Variants in GRIK5 observed in about 807,000 individuals in gnomAD.
GRIK5 encodes the protein glutamate receptor ionotropic, kainate 5.
Under a neutral mutation model 97.4 loss-of-function variants are expected in GRIK5, and 43 were observed. The observed-to-expected ratio is 0.44, with a 90% CI of 0.35 to 0.57. The LOEUF is 0.57. GRIK5 is among the 20% of genes least tolerant of loss of function. The pLI, the probability that GRIK5 is intolerant of heterozygous loss-of-function variation, is 0.01. For missense variants in GRIK5, 1,015 were observed against 1,382.0 expected (o/e 0.73, Z 4.21); for synonymous variants, 580 against 583.5 (o/e 0.99, Z 0.09).
At chr19:42,046,298 G>T (rs988259872) in intron 11 of GRIK5, among the ~76,000 whole-genome samples, 8 of 152,076 alleles carry the variant, frequency 5.3e-5, no homozygotes, top group Admixed American at 3.3e-4. Context: ...AAAGAGACTG[G>T]GGCCTGTGAA....
rs1204150639 is a variant in GRIK5 at position 42,003,775 on chromosome 19, C to T, written c.2264-92G>A. The T allele has an allele frequency of 4.4e-6, 6 of 1,372,118 alleles. No individual in the cohort carries two copies. In the African/African-American group the frequency reaches 7.3e-5, roughly 17 times the overall value. The allele number at this position is 1,372,118 out of a possible 1,614,324, so 85.0% of individuals were successfully genotyped here. A position where few individuals can be genotyped will look rare whatever the true frequency, so the allele number is the denominator to read the frequency against. On this transcript the variant is annotated intron_variant, in intron 17 of 19. Transcript: ENST00000593562. This position sits in a 1 kb window ranked among gnomAD's most constrained non-coding sequence, Gnocchi z 4.2. ...AACTGTGCCCTCACCACGGCCTTCC[C>T]CCGCCTCTACCACGTGCCCAGGGTC...
At chr19:42,053,325 T>C (rs769415494) in intron 11 of GRIK5, among the ~76,000 whole-genome samples, 4 of 152,232 alleles carry the variant, frequency 2.6e-5, no homozygotes, top group Non-Finnish European at 4.4e-5. Context: ...GCAAAACAAC[T>C]GTTCTGGCAA....
rs910672486 is a variant in GRIK5 at position 42,019,987 on chromosome 19, GT to G, written c.1871+1313del. The stretch of plus-strand genomic sequence containing the variant: ...GAGCTTTCATTGGGTTTTTTTGGGG[GT>G]TTTTTTTTTTTTTTTCATTTGAGAC... On this transcript the variant is annotated intron_variant, in intron 15 of 19. Transcript: ENST00000593562. Among the ~76,000 whole-genome samples the G allele has an allele frequency of 4.2e-3, 575 of 137,112 alleles. 1 individual carries two copies. The highest frequency in any genetic ancestry group is 0.015 in the Middle Eastern group (4 of 270). 90.0% of individuals were successfully genotyped at this position (137,112 alleles called of 152,430 possible).
chr19:42,058,937 C>T (rs920349779), intron 6 of GRIK5, among the ~76,000 whole-genome samples: 2 of 152,066 alleles, frequency 1.3e-5, no homozygotes, highest in African/African-American at 4.8e-5. Context: ...CCAGATCTGA[C>T]TCGGGGCCAG....
chr19:42,026,536 G>A (rs1023786212), intron 12 of GRIK5, among the ~76,000 whole-genome samples: 1 of 151,466 alleles, frequency 6.6e-6, no homozygotes, highest in Non-Finnish European at 1.5e-5. Flanking sequence ...TTACAGGCAT[G>A]AGCCACCGCA....
chr19:42,046,168 A>T (rs1599817447), intron 11 of GRIK5, among the ~76,000 whole-genome samples: 1 of 152,262 alleles, frequency 6.6e-6, no homozygotes, highest in South Asian at 2.1e-4. Context: ...GGGCTTCACA[A>T]CCCAGTCACT....
rs1179570318 is a variant in GRIK5, at chr19:42,034,482, C to CAAAA, written c.1473+8069_1473+8070insTTTT. On this transcript the variant is annotated intron_variant, in intron 12 of 19. Transcript: ENST00000593562. ...GGATCTCTCTGCCCCTCACTTTTTC[C>CAAAA]CCTCAACCACACTTTTCCCCTCAAG... is the stretch of plus-strand genomic sequence containing the variant. Among the ~76,000 whole-genome samples, 3 of 152,222 alleles carry CAAAA rather than the reference C, an allele frequency of 2.0e-5. No individual in the cohort carries two copies. The East Asian group carries it at 5.8e-4, about 29-fold the overall frequency.
chr19:42,009,157 G>A (rs1335140256), intron 15 of GRIK5, among the ~76,000 whole-genome samples: 1 of 152,160 alleles, frequency 6.6e-6, no homozygotes, highest in Non-Finnish European at 1.5e-5. Context: ...GAGGCCAGAA[G>A]TTTAAGTCTA....
rs555370721 is a variant in GRIK5, at chr19:42,067,315, G to A, written c.-50-1495C>T. Among the ~76,000 whole-genome samples, 40 of 152,340 alleles carry A rather than the reference G, an allele frequency of 2.6e-4. No homozygotes were observed. The South Asian group carries it at 7.5e-3, about 28-fold the overall frequency. ...AGTGGCCTGCAAAACCTAGGCTGGGGATCAGTCCCAGCTCTGCCCCTGACT... is the reference window on the plus strand; with the variant it reads ...AGTGGCCTGCAAAACCTAGGCTGGGAATCAGTCCCAGCTCTGCCCCTGACT... On this transcript the variant is annotated intron_variant, in intron 1 of 19. Transcript: ENST00000593562.
Position 42,022,446 on chromosome 19 carries a change from T to G in GRIK5, c.1474-92A>C. Reference sequence around the variant, plus strand: ...GAGAAATGCACGGAGAGTGAGCAACTGAGGGAGGCGAGAGAGAGAGAGGTA... The same window carrying G: ...GAGAAATGCACGGAGAGTGAGCAACGGAGGGAGGCGAGAGAGAGAGAGGTA... On this transcript the variant is annotated intron_variant, in intron 12 of 19. Transcript: ENST00000593562. The surrounding 1 kb of genome is among the most constrained non-coding windows in gnomAD (Gnocchi z 4.2). 48 of 1,449,432 alleles carry G rather than the reference T, an allele frequency of 3.3e-5. No individual in the cohort carries two copies. The highest frequency in any genetic ancestry group is 1.8e-4 in the Middle Eastern group (1 of 5,652). The allele number at this position is 1,449,432 out of a possible 1,614,324, so 89.8% of individuals were successfully genotyped here.
chr19:42,013,182 C>T (rs553552607), intron 15 of GRIK5, among the ~76,000 whole-genome samples: 22 of 144,264 alleles, frequency 1.5e-4, no homozygotes, highest in African/African-American at 5.4e-4. Flanking sequence ...AGTAAGAACT[C>T]TCTACAAAAA....
chr19:42,001,911 G>A (rs898729936), intron 19 of GRIK5: 35 of 567,716 alleles, frequency 6.2e-5, no homozygotes, highest in Middle Eastern at 4.6e-4. Context: ...GAGAAAGACC[G>A]AGAAGAGAAG....
intron 11 of GRIK5, among the ~76,000 whole-genome samples, chr19:42,050,126 T>C (rs2170103): frequency 0.95 from 144,730 of 152,050 alleles, 68,967 homozygotes; most frequent in East Asian, 1. Flanking sequence ...GATGGGGTTT[T>C]GCCATGTTGC....
chr19:42,033,030 G>T (rs771311830), intron 12 of GRIK5, among the ~76,000 whole-genome samples: 3 of 152,206 alleles, frequency 2.0e-5, no homozygotes, highest in African/African-American at 4.8e-5. Context: ...GCCATAAAAA[G>T]GAATGCAGGC....
intron 15 of GRIK5, among the ~76,000 whole-genome samples, chr19:42,014,088 A>G (rs1006593254): frequency 2.6e-5 from 4 of 151,958 alleles, no homozygotes; most frequent in African/African-American, 9.7e-5. Flanking sequence ...TTACATATAA[A>G]TAAAATTTAA....
At chr19:42,013,608 C>T (rs1287336913) in intron 15 of GRIK5, among the ~76,000 whole-genome samples, 1 of 151,924 alleles carries the variant, frequency 6.6e-6, no homozygotes, top group East Asian at 1.9e-4. Flanking sequence ...GACAGGGTTT[C>T]ACCATGTTAG....
chr19:42,048,688 A>AT (rs1010161137), intron 11 of GRIK5, among the ~76,000 whole-genome samples: 5 of 152,134 alleles, frequency 3.3e-5, no homozygotes, highest in African/African-American at 1.2e-4. Context: ...ACATATCCCA[A>AT]TTTTTTTAAA....
At chr19:42,034,907 T>C (rs989296936) in intron 12 of GRIK5, among the ~76,000 whole-genome samples, 2 of 151,998 alleles carry the variant, frequency 1.3e-5, no homozygotes, top group African/African-American at 4.8e-5. Flanking sequence ...ATTACATTGC[T>C]GCCCCCTAGT....
Position 42,065,816 on chromosome 19 carries a change from G to A in GRIK5, c.-46C>T, listed in dbSNP as rs775513618. On this transcript the variant is annotated 5_prime_UTR_variant, in exon 2 of 20. Coordinates refer to ENST00000593562, the MANE Select transcript of GRIK5 (RefSeq NM_002088.5). The surrounding 1 kb of genome is among the most constrained non-coding windows in gnomAD (Gnocchi z 5.8). ...GACGCAGCTGCCGCGGCCCCCACTCGCCACCTGCAGGGAGACCCCCCAGAC... is the reference window on the plus strand; with the variant it reads ...GACGCAGCTGCCGCGGCCCCCACTCACCACCTGCAGGGAGACCCCCCAGAC... The A allele has an allele frequency of 1.5e-5, 22 of 1,460,966 alleles. No individual in the cohort carries two copies. Among genetic ancestry groups the A allele is most frequent in the East Asian group, 2.5e-5 (1 of 40,572 alleles). 90.5% of individuals were successfully genotyped at this position (1,460,966 alleles called of 1,614,324 possible). A position where few individuals can be genotyped will look rare whatever the true frequency, so the allele number is the denominator to read the frequency against.
Sources: allele counts gnomAD v4.1 joint callset (sites outside exome capture counted in the v4.1 genomes callset), GRCh38; gene constraint gnomAD v4.1.1; non-coding constraint Gnocchi (gnomAD v3.1); transcripts MANE v1.5; gene names NCBI Gene and HGNC (gene_info 2026-07-23, HGNC 2026-07-21).